The following GIP variants were observed in gnomAD, a reference collection of about 807,000 sequenced individuals.
GIP encodes the protein gastric inhibitory polypeptide, also known as glucose-dependent insulinotropic polypeptide.
GIP carries 16 observed loss-of-function variants against 18.1 expected under a neutral mutation model. The observed-to-expected ratio is 0.88, with a 90% CI of 0.60 to 1.34. The LOEUF is 1.34. Ranked by LOEUF, GIP falls within the 40% of genes most tolerant of loss-of-function variation. The pLI is 0.00. For synonymous variants in GIP, 76 were observed against 74.0 expected, an observed-to-expected ratio of 1.03 and a Z score of -0.14; for missense variants, 192 against 183.4, an observed-to-expected ratio of 1.05 and a Z score of -0.27.
At chr17:48,965,796 A>G (rs1176485137) in intron 2 of GIP, among the ~76,000 whole-genome samples, 1 of 152,056 alleles carries the variant, frequency 6.6e-6, no homozygotes, top group Non-Finnish European at 1.5e-5. Context: ...AAATAATTTC[A>G]TCCTCACAAC....
chr17:48,963,026 GA>G (rs1405765086), intron 3 of GIP, among the ~76,000 whole-genome samples: 1 of 151,958 alleles, frequency 6.6e-6, no homozygotes, highest in African/African-American at 2.4e-5. Context: ...AGAATGACGT[GA>G]ACCCGGGAGG....
intron 3 of GIP, among the ~76,000 whole-genome samples, chr17:48,963,869 A>G (rs1440239851): frequency 4.2e-5 from 6 of 142,996 alleles, no homozygotes; most frequent in Non-Finnish European, 9.2e-5. Flanking sequence ...AAAAAGAGAG[A>G]GAGAGGCGGG....
intron 2 of GIP, among the ~76,000 whole-genome samples, chr17:48,964,773 A>T (rs1211855905): frequency 6.6e-6 from 1 of 152,138 alleles, no homozygotes; most frequent in African/African-American, 2.4e-5. Flanking sequence ...AGGCAGGCGG[A>T]TCACCTGAGG....
chr17:48,959,215 T>C (rs1312183955), intron 5 of GIP, among the ~76,000 whole-genome samples: 1 of 152,162 alleles, frequency 6.6e-6, no homozygotes, highest in Non-Finnish European at 1.5e-5. Context: ...GTGCAGTGAC[T>C]GTTTACAGAT....
chr17:48,963,835 C>T, intron 3 of GIP, among the ~76,000 whole-genome samples: 1 of 19,856 alleles, frequency 5.0e-5, no homozygotes, highest in Non-Finnish European at 7.5e-5. Context: ...GAGCAAAACT[C>T]TGTCTCAAAA....
chr17:48,964,918 T>C (rs533396422), intron 2 of GIP, among the ~76,000 whole-genome samples: 7 of 151,772 alleles, frequency 4.6e-5, no homozygotes, highest in African/African-American at 1.5e-4. Flanking sequence ...GGCGGGCGGA[T>C]TACAAGGTCA....
In GIP at chr17:48,962,920, C is replaced by T. The variant is rs541259010; in HGVS notation, c.258-1101G>A. Among the ~76,000 whole-genome samples the T allele has an allele frequency of 7.3e-5, 11 of 150,568 alleles. No homozygotes were observed. In the South Asian group the frequency reaches 8.4e-4, roughly 12 times the overall value. On this transcript the variant is annotated intron_variant, in intron 3 of 5. Coordinates refer to ENST00000357424, the MANE Select transcript of GIP (RefSeq NM_004123.3). ...GAGATCGAGACCATCCAGGCCAACA[C>T]GGTGAAGCCCCGTCTCTACTAAAAA...
intron 3 of GIP, among the ~76,000 whole-genome samples, chr17:48,963,655 G>A (rs1348201074): frequency 2.7e-5 from 4 of 148,770 alleles, no homozygotes; most frequent in Admixed American, 1.3e-4. Context: ...GCTAGACTTC[G>A]TCTCAAAAGA....
chr17:48,964,395 T>C lies in GIP; in HGVS notation c.172A>G (p.Ile58Val). ...TCCATGGCAATACTGTAGTCACTGA[T>C]GAAAGTCCCTTCCGCGTACCTGGGG... Reference protein sequence around the residue: ...RGPRYAEGTFISDYSIAMDKI... With the variant: ...RGPRYAEGTFVSDYSIAMDKI... Residue 58 changes from isoleucine (I) to valine (V), a missense_variant, in exon 3 of 6, where the codon ATC (isoleucine) becomes GTC (valine). Coordinates refer to ENST00000357424, the MANE Select transcript of GIP (RefSeq NM_004123.3). 1.2e-6 allele frequency: 2 copies of C among 1,613,806 alleles called. No individual in the cohort carries two copies. Among genetic ancestry groups the C allele is most frequent in the African/African-American group, 1.3e-5 (1 of 75,006 alleles).
At chr17:48,965,096 G>A (rs7220461) in intron 2 of GIP, among the ~76,000 whole-genome samples, 17,143 of 140,182 alleles carry the variant, frequency 0.12, 2,234 homozygotes, top group African/African-American at 0.33. Context: ...CTGAGATTGC[G>A]CCAGTGCACT....
At chr17:48,961,570 A>G (rs2041200511) in intron 4 of GIP, among the ~76,000 whole-genome samples, 157 bp downstream of exon 4, 1 of 152,072 alleles carries the variant, frequency 6.6e-6, no homozygotes. Context: ...GCTGACCTCC[A>G]GGAGTTTGCT....
At position 48,960,782 on chromosome 17, in the gene GIP, G is replaced by T. The variant is rs1453489394; in HGVS notation, c.452+104C>A. ...ATTTTAGTGAAAACACTGAGGTTCA[G>T]AAAGGCTATGTAATCAGCCAGCATG... On this transcript the variant is annotated intron_variant, in intron 5 of 5. Transcript: ENST00000357424. 1.4e-5 allele frequency: 10 copies of T among 736,706 alleles called. No individual in the cohort carries two copies. In the African/African-American group the frequency reaches 1.4e-4, roughly 10 times the overall value. 45.6% of individuals were successfully genotyped at this position (736,706 alleles called of 1,614,324 possible).
chr17:48,963,839 CT>C, intron 3 of GIP, among the ~76,000 whole-genome samples: 1 of 7,708 alleles, frequency 1.3e-4, no homozygotes, highest in African/African-American at 1.5e-3. Flanking sequence ...AAAACTCTGT[CT>C]CAAAAAAAAA....
rs2291725 is a variant in GIP at position 48,961,770 on chromosome 17, T to C, written c.307A>G (p.Ser103Gly). Reference protein sequence around the residue: ...QREARALELASQANRKEEEAV... With the variant: ...QREARALELAGQANRKEEEAV... ...TCCTCCTCCTTCCTATTAGCTTGAC[T>C]GGCCAGCTCCAGCGCCCGAGCCTCC... Residue 103 changes from serine (S) to glycine (G), a missense_variant, in exon 4 of 6, where the codon AGT (serine) becomes GGT (glycine). Ser to Gly is a moderately conservative substitution (Grantham distance 56, BLOSUM62 0). Coordinates refer to ENST00000357424, the MANE Select transcript of GIP (RefSeq NM_004123.3). 0.51 allele frequency: 814,745 copies of C among 1,610,816 alleles called. 213,936 individuals carry two copies. The highest frequency in any genetic ancestry group is 0.72 in the East Asian group (32,132 of 44,828).
intron 2 of GIP, among the ~76,000 whole-genome samples, chr17:48,965,895 G>T (rs1347590036): frequency 1.3e-5 from 2 of 152,086 alleles, no homozygotes; most frequent in East Asian, 3.9e-4. Flanking sequence ...CTTATTATCT[G>T]CCACTCCGTA....
At chr17:48,962,594 C>T (rs1488031602) in intron 3 of GIP, among the ~76,000 whole-genome samples, 2 of 149,760 alleles carry the variant, frequency 1.3e-5, no homozygotes, top group Non-Finnish European at 3.0e-5. Context: ...GCCTCAAGCT[C>T]CTGACCTCGT....
chr17:48,968,292 C>T (rs2041246282), intron 1 of GIP, among the ~76,000 whole-genome samples: 1 of 151,820 alleles, frequency 6.6e-6, no homozygotes, highest in Non-Finnish European at 1.5e-5. Context: ...TCGAGTTTCC[C>T]TCCATTGCCC....
At chr17:48,964,715 G>A (rs2041224892) in intron 2 of GIP, among the ~76,000 whole-genome samples, 1 of 152,180 alleles carries the variant, frequency 6.6e-6, no homozygotes, top group South Asian at 2.1e-4. Flanking sequence ...AGATCACGGG[G>A]CCAGGGGCGG....
Position 48,964,317 on chromosome 17 carries a change from T to C in GIP, c.250A>G (p.Lys84Glu), listed in dbSNP as rs751116964. 3 of 1,613,588 alleles carry C rather than the reference T, an allele frequency of 1.9e-6. No individual in the cohort carries two copies. In the South Asian group the frequency reaches 3.3e-5, roughly 18 times the overall value. ...GTGTAAGCAGCGACTCACTCATTCT[T>C]CTTCCCCTTTTGGGCCAGCAGCCAG... Reference protein sequence around the residue: ...VNWLLAQKGKKNDWKHNITQR... With the variant: ...VNWLLAQKGKENDWKHNITQR... The change falls in exon 3 of 6, where the codon AAG becomes GAG. Residue 84 changes from lysine to glutamate, a missense_variant. Transcript: ENST00000357424.
Sources: gnomAD v4.1 joint callset for allele counts (sites outside exome capture counted in the v4.1 genomes callset) on GRCh38, gnomAD v4.1.1 for gene constraint, MANE v1.5 for transcripts, NCBI Gene and HGNC (gene_info 2026-07-23, HGNC 2026-07-21) for gene names.